ATM: variants seen among roughly 807,000 people sequenced by gnomAD.
ATM encodes the protein serine-protein kinase ATM.
In ATM, 308 loss-of-function variants were observed where a neutral mutation model predicts 387.0. The ratio of observed to expected loss-of-function variants is 0.80; its 90% CI spans 0.73 to 0.87. The LOEUF is 0.87. Ranked by LOEUF, ATM falls within the 40% of genes least tolerant of loss-of-function variation. The pLI, the probability that ATM is intolerant of heterozygous loss-of-function variation, is 0.00. For synonymous variants in ATM, 1,156 were observed against 1,187.3 expected (o/e 0.97, Z 0.54); for missense variants, 3,312 against 3,560.9 (o/e 0.93, Z 1.78).
intron 38 of ATM, chr11:108,309,139 G>C: frequency 1.1e-6 from 1 of 888,540 alleles, no homozygotes; most frequent in Non-Finnish European, 1.8e-6. Context: ...AGCTTGTGCT[G>C]TGTAAAAATT....
At chr11:108,286,397 T>C (rs948842885) in intron 26 of ATM, among the ~76,000 whole-genome samples, 1 of 151,528 alleles carries the variant, frequency 6.6e-6, no homozygotes, top group South Asian at 2.1e-4. Flanking sequence ...AGCCAGAGAT[T>C]TACTGAAAAT....
rs773329421 is a variant in ATM, at chr11:108,353,871, T to C, written c.8777T>C (p.Val2926Ala). 6.2e-7 allele frequency: 1 copy of C among 1,612,162 alleles called. No homozygotes were observed. The highest frequency in any genetic ancestry group is 1.1e-5 in the South Asian group (1 of 91,040). Reference sequence around the variant, plus strand: ...ATGGGCATTACGGGTGTTGAAGGTGTCTTCAGAAGGTAAGTGATATGAAGT... The same window carrying C: ...ATGGGCATTACGGGTGTTGAAGGTGCCTTCAGAAGGTAAGTGATATGAAGT... ...DGMGITGVEG[V>A]FRRCCEKTME... The change falls in exon 60 of 63, where the codon GTC (valine) becomes GCC (alanine). Residue 2926 changes from valine to alanine, a missense_variant. Around this residue, in one of 4 missense-constraint regions of ATM, gnomAD observed 1,405 missense variants for 1,604.4 expected, o/e 0.88. Transcript: ENST00000675843.
Position 108,248,952 on chromosome 11 carries a change from GATCCTTGGAGA to G in ATM, c.1086_1096del (p.Arg362SerfsTer13). On this transcript the variant is annotated frameshift_variant, in exon 9 of 63. Transcript: ENST00000675843. LOFTEE classifies it high-confidence loss of function. ...TTACAGGTTTTTAATGAAGATACCA[GATCCTTGGAGA>G]TTTCTCAATCTTACACTACTACACA... 6.2e-7 allele frequency: 1 copy of G among 1,609,038 alleles called. No individual in the cohort carries two copies. The highest frequency in any genetic ancestry group is 1.3e-5 in the African/African-American group (1 of 74,568).
rs535646511 is a variant in ATM, at chr11:108,271,142, C to T, written c.2917C>T (p.Leu973=). 5 of 1,613,856 alleles carry T rather than the reference C, an allele frequency of 3.1e-6. No homozygotes were observed. Among genetic ancestry groups the T allele is most frequent in the Non-Finnish European group, 4.2e-6 (5 of 1,179,936 alleles). The change falls in exon 19 of 63, where the codon CTA becomes TTA. Residue 973 remains leucine (L), a synonymous_variant. Coordinates refer to ENST00000675843, the MANE Select transcript of ATM (RefSeq NM_000051.4). ...AGATGTTCTTGAACTTCTGAAACCA[C>T]TATCGTAAGAAATTAAAACCTTATG... ...MEDVLELLKP[L]SNVCSLYRRD...
At chr11:108,330,588 T>A (rs2086152903) in intron 50 of ATM, among the ~76,000 whole-genome samples, 167 bp downstream of exon 50, 1 of 152,252 alleles carries the variant, frequency 6.6e-6, no homozygotes, top group Non-Finnish European at 1.5e-5. Flanking sequence ...ATATTTAGGA[T>A]TATTTACAAG....
intron 48 of ATM, among the ~76,000 whole-genome samples, chr11:108,328,117 T>C (rs1453481943): frequency 6.6e-6 from 1 of 152,216 alleles, no homozygotes; most frequent in Non-Finnish European, 1.5e-5. Context: ...CACCCACAAG[T>C]AAAGGCTTCA....
chr11:108,301,443 C>T (rs1370643749), intron 34 of ATM, among the ~76,000 whole-genome samples: 3 of 152,152 alleles, frequency 2.0e-5, no homozygotes, highest in Non-Finnish European at 4.4e-5. Context: ...AAGGGAATTG[C>T]AGTTGCAGTG....
At chr11:108,243,900 A>C in intron 5 of ATM, 53 bp from the exon 6 acceptor site, 1 of 1,434,278 alleles carries the variant, frequency 7.0e-7, no homozygotes, top group East Asian at 2.5e-5. Context: ...GTAACATTTA[A>C]TACATTTTGA....
intron 37 of ATM, among the ~76,000 whole-genome samples, chr11:108,307,403 C>T (rs1400069883): frequency 1.3e-5 from 2 of 152,186 alleles, no homozygotes; most frequent in Non-Finnish European, 2.9e-5. Flanking sequence ...CCGCATCAGC[C>T]TCCCAAAGTG....
At chr11:108,346,220 C>A (rs190030348) in intron 58 of ATM, among the ~76,000 whole-genome samples, 4 of 151,976 alleles carry the variant, frequency 2.6e-5, no homozygotes, top group African/African-American at 4.8e-5. Flanking sequence ...TTTTCTGAGA[C>A]TTTCTTTGGA....
In ATM at chr11:108,368,820, C is replaced by T. The variant is rs1212009810; in HGVS notation, c.*3312C>T. The T allele has an allele frequency of 4.9e-6, 1 of 204,506 alleles. No homozygotes were observed. The highest frequency in any genetic ancestry group is 1.0e-5 in the Non-Finnish European group (1 of 99,954). The allele number at this position is 204,506 out of a possible 1,614,324, so 12.7% of individuals were successfully genotyped here. ...AACTCTTGGTCATTATAGTATATGCCTAAAATGTATGCACTTAGGAATGCT... is the reference window on the plus strand; with the variant it reads ...AACTCTTGGTCATTATAGTATATGCTTAAAATGTATGCACTTAGGAATGCT... On this transcript the variant is annotated 3_prime_UTR_variant, in exon 63 of 63. Transcript: ENST00000675843.
At position 108,245,025 on chromosome 11, in the gene ATM, A is replaced by C; in HGVS notation, c.900A>C (p.Lys300Asn). Residue 300 changes from lysine (K) to asparagine (N), a missense_variant and splice_region_variant, in exon 7 of 63, where the codon AAA (lysine) becomes AAC (asparagine). By Grantham distance (94) the Lys-to-Asn change is moderately conservative (BLOSUM62 0). This residue lies in a region of ATM where 1,791 missense variants were observed against 1,804.5 expected (regional missense o/e 0.99). Transcript: ENST00000675843. ...HHPKGAKTQEKGAYESTKWRS... is the reference protein window; with the variant it reads ...HHPKGAKTQENGAYESTKWRS... ...CGAAAGGAGCCAAAACCCAAGAAAA[A>C]GGTATAAAGGAAATGTTTACTGTTT... The C allele has an allele frequency of 6.3e-7, 1 of 1,596,888 alleles. No homozygotes were observed. The highest frequency in any genetic ancestry group is 8.6e-7 in the Non-Finnish European group (1 of 1,169,172).
At position 108,267,244 on chromosome 11, in the gene ATM, T is replaced by A. The variant is rs1382712243; in HGVS notation, c.2540T>A (p.Met847Lys). Residue 847 changes from methionine (M) to lysine (K), a missense_variant, in exon 17 of 63, where the codon ATG becomes AAG. Transcript: ENST00000675843. Reference sequence around the variant, plus strand: ...GAAGATGATACTAATGGAAATCTAATGGAGGTGGAGGATCAGTCATCCATG... The same window carrying A: ...GAAGATGATACTAATGGAAATCTAAAGGAGGTGGAGGATCAGTCATCCATG... ...SMEDDTNGNL[M>K]EVEDQSSMNL... The A allele has an allele frequency of 1.2e-6, 2 of 1,614,076 alleles. No individual in the cohort carries two copies. Among genetic ancestry groups the A allele is most frequent in the Non-Finnish European group, 1.7e-6 (2 of 1,179,972 alleles).
intron 29 of ATM, among the ~76,000 whole-genome samples, chr11:108,291,270 AT>A: frequency 6.6e-6 from 1 of 152,208 alleles, no homozygotes; most frequent in East Asian, 1.9e-4. Context: ...CAAAACAAGA[AT>A]TGGGGTTGTT....
chr11:108,258,986 A>G lies in ATM; in HGVS notation c.2377A>G (p.Lys793Glu), dbSNP rs587781583. The G allele has an allele frequency of 6.2e-6, 10 of 1,611,926 alleles. No individual in the cohort carries two copies. The highest frequency in any genetic ancestry group is 8.5e-6 in the Non-Finnish European group (10 of 1,178,294). ...GGTTCTTTGTTTGTCTTAATTGCAGAAGAGTCCAAATAAGATTGCATCTGG... is the reference window on the plus strand; with the variant it reads ...GGTTCTTTGTTTGTCTTAATTGCAGGAGAGTCCAAATAAGATTGCATCTGG... ...CTRCLSNCTK[K>E]SPNKIASGFF... Residue 793 changes from lysine to glutamate, a missense_variant and splice_region_variant, in exon 16 of 63, where the codon AAG becomes GAG. By Grantham distance (56) the Lys-to-Glu change is moderately conservative (BLOSUM62 1). Coordinates refer to ENST00000675843, the MANE Select transcript of ATM (RefSeq NM_000051.4).
At chr11:108,332,127 G>A in intron 52 of ATM, 90 bp downstream of exon 52, 1 of 1,521,750 alleles carries the variant, frequency 6.6e-7, no homozygotes, top group Non-Finnish European at 8.9e-7. Flanking sequence ...TTATTAAGAT[G>A]CCATCTAAAA....
In ATM at chr11:108,343,230, CCTCT is replaced by C. The variant is rs775899653; in HGVS notation, c.8281_8284del (p.Gln2762GlufsTer43). The C allele has an allele frequency of 6.2e-7, 1 of 1,613,814 alleles. No individual in the cohort carries two copies. Among genetic ancestry groups the C allele is most frequent in the Non-Finnish European group, 8.5e-7 (1 of 1,179,886 alleles). On this transcript the variant is annotated frameshift_variant, in exon 57 of 63. Coordinates refer to ENST00000675843, the MANE Select transcript of ATM (RefSeq NM_000051.4). LOFTEE classifies it high-confidence loss of function. ...TTAATCTGTAACTCCAGGTGGTTCC[CCTCT>C]CTCAGCGAAGTGGTGTTCTTGAATG... is the stretch of plus-strand genomic sequence containing the variant.
intron 14 of ATM, among the ~76,000 whole-genome samples, chr11:108,257,063 T>G (rs2080538685): frequency 6.6e-6 from 1 of 152,232 alleles, no homozygotes; most frequent in South Asian, 2.1e-4. Flanking sequence ...AAATGGTATT[T>G]CTAGTTCTAG....
At chr11:108,224,145 T>C (rs1171774103) in intron 1 of ATM, 1 of 152,244 alleles carries the variant, frequency 6.6e-6, no homozygotes, top group Non-Finnish European at 1.5e-5. Context: ...AGGTAGGTAC[T>C]AGTATTGTTT....
Sources: allele counts gnomAD v4.1 joint callset (sites outside exome capture counted in the v4.1 genomes callset), GRCh38; gene constraint gnomAD v4.1.1; regional missense constraint gnomAD v4.1.1; transcripts MANE v1.5; gene names NCBI Gene and HGNC (gene_info 2026-07-23, HGNC 2026-07-21).